Variants in ELMO1 observed in about 807,000 individuals in gnomAD.
ELMO1 encodes engulfment and cell motility protein 1.
A neutral mutation model predicts 98.9 loss-of-function variants in ELMO1; 26 were observed. That is an observed-to-expected ratio of 0.26 (90% confidence interval 0.19 to 0.36). The LOEUF is 0.36. ELMO1 is among the 10% of genes least tolerant of loss of function. The pLI is 1.00. For missense variants in ELMO1, 627 were observed against 935.2 expected (o/e 0.67, Z 4.30); for synonymous variants, 346 against 346.0 (o/e 1.00, Z 0.00).
chr7:37,353,580 T>G (rs934047581), intron 1 of ELMO1: 2 of 151,988 alleles, frequency 1.3e-5, no homozygotes, highest in African/African-American at 4.8e-5. Context: ...GCAGCAAGAT[T>G]TATTGCGAGC....
intron 14 of ELMO1, among the ~76,000 whole-genome samples, chr7:37,109,527 T>C (rs1785125421): frequency 6.6e-6 from 1 of 151,640 alleles, no homozygotes; most frequent in Admixed American, 6.6e-5. Context: ...GCCGCCCCCC[T>C]CCCCAGATAA....
chr7:37,148,671 T>C (rs1030756634), intron 13 of ELMO1, among the ~76,000 whole-genome samples: 1 of 152,234 alleles, frequency 6.6e-6, no homozygotes, highest in African/African-American at 2.4e-5. Flanking sequence ...TGAAATAGTA[T>C]TGTCAAGGTT....
chr7:36,931,966 A>G (rs777173422), intron 16 of ELMO1, among the ~76,000 whole-genome samples: 5 of 152,252 alleles, frequency 3.3e-5, no homozygotes, highest in Non-Finnish European at 7.3e-5. Flanking sequence ...AAAGCTCTGC[A>G]TAATACATTG....
chr7:37,376,081 AT>A, intron 1 of ELMO1: 1 of 357,306 alleles, frequency 2.8e-6, no homozygotes, highest in South Asian at 2.5e-5. Flanking sequence ...CTTTAAAAAA[AT>A]GAACAAACAA....
At chr7:37,100,840 T>A (rs998117088) in intron 14 of ELMO1, among the ~76,000 whole-genome samples, 2 of 152,358 alleles carry the variant, frequency 1.3e-5, no homozygotes, top group African/African-American at 4.8e-5. Context: ...GCACTGATAA[T>A]GTGGTGACCT....
At chr7:36,935,383 G>T (rs1425419341) in intron 16 of ELMO1, among the ~76,000 whole-genome samples, 2 of 151,904 alleles carry the variant, frequency 1.3e-5, no homozygotes, top group African/African-American at 4.8e-5. Context: ...CACACGTAAA[G>T]GACTAAAACA....
At chr7:37,357,574 T>C (rs2131316701) in intron 1 of ELMO1, among the ~76,000 whole-genome samples, 1 of 152,336 alleles carries the variant, frequency 6.6e-6, no homozygotes, top group African/African-American at 2.4e-5. Context: ...CCATTTTCAG[T>C]GCTGTAGATA....
At chr7:37,085,411 A>G (rs891361874) in intron 15 of ELMO1, among the ~76,000 whole-genome samples, 3 of 152,120 alleles carry the variant, frequency 2.0e-5, no homozygotes, top group Non-Finnish European at 4.4e-5. Flanking sequence ...GCATTTCATC[A>G]TCTTTTCAGT....
At chr7:37,447,792 C>G (rs1805701557) in intron 1 of ELMO1, among the ~76,000 whole-genome samples, 1 of 151,684 alleles carries the variant, frequency 6.6e-6, no homozygotes, top group Non-Finnish European at 1.5e-5. Context: ...ACTTCCCAAC[C>G]CCAAACACAC....
intron 16 of ELMO1, among the ~76,000 whole-genome samples, chr7:36,975,445 C>G (rs1348832166): frequency 6.6e-6 from 1 of 152,042 alleles, no homozygotes; most frequent in Admixed American, 6.6e-5. Context: ...GCACTGCAGC[C>G]TGGGTGACAG....
chr7:37,063,266 T>C (rs1183041006), intron 15 of ELMO1, among the ~76,000 whole-genome samples: 1 of 152,196 alleles, frequency 6.6e-6, no homozygotes, highest in African/African-American at 2.4e-5. Flanking sequence ...CTGTATTACC[T>C]GAGGAGGGCT....
At chr7:36,878,814 A>G (rs1045624531) in intron 18 of ELMO1, among the ~76,000 whole-genome samples, 25 of 152,312 alleles carry the variant, frequency 1.6e-4, no homozygotes, top group Middle Eastern at 3.4e-3. Flanking sequence ...CCTCAACTTT[A>G]CTGCCTCAGT....
At chr7:37,063,387 T>C (rs1307403009) in intron 15 of ELMO1, among the ~76,000 whole-genome samples, 1 of 152,162 alleles carries the variant, frequency 6.6e-6, no homozygotes, top group East Asian at 1.9e-4. Context: ...TCAGGTTCAG[T>C]AAGGAATCTA....
At chr7:36,895,143 A>G in intron 16 of ELMO1, 126 bp from the exon 17 acceptor site, 1 of 1,078,976 alleles carries the variant, frequency 9.3e-7, no homozygotes. Context: ...ATTAACCTTG[A>G]GCATGCTTTT....
chr7:37,053,414 T>C (rs1012142703), intron 15 of ELMO1, among the ~76,000 whole-genome samples: 1 of 152,122 alleles, frequency 6.6e-6, no homozygotes, highest in Non-Finnish European at 1.5e-5. Context: ...TAGAGTTATA[T>C]GCAGTAAGTC....
intron 13 of ELMO1, among the ~76,000 whole-genome samples, chr7:37,179,086 G>A (rs1790678247): frequency 6.6e-6 from 1 of 152,230 alleles, no homozygotes; most frequent in African/African-American, 2.4e-5. Flanking sequence ...CGGAAGCTAG[G>A]TAAAGGGAAC....
At chr7:36,992,093 T>G (rs1791915899) in intron 16 of ELMO1, among the ~76,000 whole-genome samples, 1 of 152,238 alleles carries the variant, frequency 6.6e-6, no homozygotes, top group South Asian at 2.1e-4. Flanking sequence ...CTTTGCTATT[T>G]TTTATTACCC....
At chr7:37,090,498 C>T (rs527715593) in intron 15 of ELMO1, among the ~76,000 whole-genome samples, 2 of 152,312 alleles carry the variant, frequency 1.3e-5, no homozygotes, top group African/African-American at 4.8e-5. Flanking sequence ...TCTGCTAGCA[C>T]CTCTGCCCTT....
intron 6 of ELMO1, among the ~76,000 whole-genome samples, chr7:37,251,512 T>C (rs1392215205): frequency 6.6e-6 from 1 of 152,224 alleles, no homozygotes; most frequent in Non-Finnish European, 1.5e-5. Context: ...CCCAGCCTTG[T>C]TGTGACAAAA....
Sources: allele counts gnomAD v4.1 joint callset (sites outside exome capture counted in the v4.1 genomes callset), GRCh38; gene constraint gnomAD v4.1.1; transcripts MANE v1.5; gene names NCBI Gene and HGNC (gene_info 2026-07-23, HGNC 2026-07-21).